The following XKR9 variants were observed in gnomAD, a reference collection of about 807,000 sequenced individuals.
XKR9 encodes the protein XK related 9, also known as XK-related protein 9.
XKR9 carries 32 observed loss-of-function variants against 32.0 expected under a neutral mutation model. The ratio of observed to expected loss-of-function variants is 1.00; its 90% confidence interval spans 0.76 to 1.34. XKR9 has a LOEUF of 1.34. Among genes scored for constraint, XKR9 ranks in the 40% most tolerant of loss-of-function variants. The probability of loss-of-function intolerance (pLI) is 0.00; values close to 1 mark genes in which losing one functional copy is unlikely to be tolerated. For missense variants in XKR9, 546 were observed against 429.7 expected, an observed-to-expected ratio of 1.27 and a Z score of -2.39; for synonymous variants, 168 against 143.4, an observed-to-expected ratio of 1.17 and a Z score of -1.22.
chr8:70,819,715 AGT>A, the XKR9 span, among the ~76,000 whole-genome samples: 1 of 152,218 alleles, frequency 6.6e-6, no homozygotes, highest in Non-Finnish European at 1.5e-5. Context: ...GCAAATGTAA[AGT>A]AATACTGTCC....
intron 2 of XKR9, among the ~76,000 whole-genome samples, chr8:70,773,526 A>C (rs1273497050): frequency 6.6e-6 from 1 of 152,164 alleles, no homozygotes; most frequent in Non-Finnish European, 1.5e-5. Flanking sequence ...CAACATGTAC[A>C]TTTTGGGAAA....
the XKR9 span, among the ~76,000 whole-genome samples, chr8:70,795,764 TG>T: frequency 1.3e-5 from 2 of 152,168 alleles, no homozygotes; most frequent in Non-Finnish European, 2.9e-5. Context: ...ATACGGTTTT[TG>T]GCTGCATGTA....
At chr8:70,796,942 A>G in the XKR9 span, among the ~76,000 whole-genome samples, 1 of 152,204 alleles carries the variant, frequency 6.6e-6, no homozygotes, top group Non-Finnish European at 1.5e-5. Context: ...TCCAGACTGT[A>G]CTGGCCTTGT....
intron 2 of XKR9, among the ~76,000 whole-genome samples, chr8:70,764,161 T>G (rs905478709): frequency 3.3e-5 from 5 of 152,122 alleles, no homozygotes; most frequent in African/African-American, 1.2e-4. Flanking sequence ...GTGGAAAACT[T>G]TAGGTTTACT....
At chr8:70,813,695 C>A in the XKR9 span, among the ~76,000 whole-genome samples, 10,769 of 152,266 alleles carry the variant, frequency 0.071, 459 homozygotes, top group Non-Finnish European at 0.089. Flanking sequence ...TGAAAAAATT[C>A]TCTTCATCAC....
chr8:70,826,789 A>G, the XKR9 span, among the ~76,000 whole-genome samples: 9 of 152,190 alleles, frequency 5.9e-5, no homozygotes, highest in Non-Finnish European at 4.4e-5. Flanking sequence ...CTCATTTTAA[A>G]ATAAAAATGC....
At chr8:70,677,744 G>T (rs1439505911) in intron 2 of XKR9, among the ~76,000 whole-genome samples, 1 of 152,068 alleles carries the variant, frequency 6.6e-6, no homozygotes, top group African/African-American at 2.4e-5. Context: ...TCAGTTTTCT[G>T]GTCTACAAAA....
rs1807170712 is a variant in XKR9 at position 70,753,391 on chromosome 8, G to A, written n.353-35948G>A. 5.3e-5 allele frequency among the ~76,000 whole-genome samples: 8 copies of A among 152,036 alleles called. No individual in the cohort carries two copies. In the South Asian group the frequency reaches 1.7e-3, roughly 32 times the overall value. ...AACTATTCCACTCAATAGAAAAAGA[G>A]GGAATCCTCCCTAACTCATTTTATG... On this transcript the variant is annotated intron_variant and non_coding_transcript_variant, in intron 2 of 3. Coordinates refer to the XKR9 transcript ENST00000520273.
chr8:71,018,422 A>G, the XKR9 span, among the ~76,000 whole-genome samples: 1 of 152,202 alleles, frequency 6.6e-6, no homozygotes, highest in East Asian at 1.9e-4. Context: ...AGGGTCAAAT[A>G]ATTTTTGTCT....
chr8:70,727,597 A>G (rs1418374081), intron 4 of XKR9, among the ~76,000 whole-genome samples: 1 of 151,868 alleles, frequency 6.6e-6, no homozygotes, highest in Non-Finnish European at 1.5e-5. Flanking sequence ...ATGGGGTTTC[A>G]CCATATTGGC....
chr8:70,923,889 G>A, the XKR9 span, among the ~76,000 whole-genome samples: 42 of 151,994 alleles, frequency 2.8e-4, no homozygotes, highest in African/African-American at 4.8e-5. Flanking sequence ...TCTTAAGGTG[G>A]ACCCTCCAAA....
the XKR9 span, among the ~76,000 whole-genome samples, chr8:70,829,742 C>A: frequency 2.6e-5 from 4 of 152,176 alleles, no homozygotes; most frequent in Non-Finnish European, 1.5e-5. Context: ...GCCACGGCGC[C>A]CAGCCTGAAC....
chr8:70,909,297 G>A, the XKR9 span, among the ~76,000 whole-genome samples: 1 of 152,076 alleles, frequency 6.6e-6, no homozygotes, highest in African/African-American at 2.4e-5. Flanking sequence ...ATACCATGCT[G>A]TTTCTTGTTT....
At chr8:70,859,117 G>A in the XKR9 span, among the ~76,000 whole-genome samples, 48,282 of 151,692 alleles carry the variant, frequency 0.32, 8,988 homozygotes, top group Non-Finnish European at 0.43. Flanking sequence ...CAAGGGATGA[G>A]TAACCAGAAT....
chr8:70,916,880 T>C, the XKR9 span, among the ~76,000 whole-genome samples: 1 of 152,072 alleles, frequency 6.6e-6, no homozygotes, highest in Non-Finnish European at 1.5e-5. Flanking sequence ...TTTTTTTTTT[T>C]ACATCTTTCA....
chr8:70,669,747 A>G (rs62533062), intron 1 of XKR9, among the ~76,000 whole-genome samples: 10,844 of 149,230 alleles, frequency 0.073, 467 homozygotes, highest in Non-Finnish European at 0.089. Context: ...GCTCACTGCA[A>G]GCCCCGCCTC....
chr8:70,910,391 A>G, the XKR9 span, among the ~76,000 whole-genome samples: 1 of 152,174 alleles, frequency 6.6e-6, no homozygotes, highest in Non-Finnish European at 1.5e-5. Context: ...CAGCTTTTCT[A>G]CTAATTGGGG....
the XKR9 span, among the ~76,000 whole-genome samples, chr8:70,971,074 T>G: frequency 6.6e-6 from 1 of 152,234 alleles, no homozygotes; most frequent in Non-Finnish European, 1.5e-5. Context: ...TTGTACTAGT[T>G]TTACATTCCA....
At chr8:70,823,639 G>C in the XKR9 span, among the ~76,000 whole-genome samples, 4 of 152,156 alleles carry the variant, frequency 2.6e-5, no homozygotes, top group Non-Finnish European at 4.4e-5. Flanking sequence ...CGAACTTTTG[G>C]TAAGAGAAAA....
Sources: allele counts gnomAD v4.1 joint callset (sites outside exome capture counted in the v4.1 genomes callset), GRCh38; gene constraint gnomAD v4.1.1; transcripts MANE v1.5; gene names NCBI Gene and HGNC (gene_info 2026-07-23, HGNC 2026-07-21).